The following CAMKMT variants were observed in gnomAD, a reference collection of about 807,000 sequenced individuals.
The protein encoded by CAMKMT is CaM KMT.
CAMKMT carries 53 observed loss-of-function variants against 48.0 expected under a neutral mutation model. That is an observed-to-expected ratio of 1.10 (90% CI 0.89 to 1.39). The LOEUF is 1.39. CAMKMT is among the 40% of genes most tolerant of loss of function. The pLI is 0.00. For synonymous variants in CAMKMT, 165 were observed against 152.3 expected (o/e 1.08, Z -0.61); for missense variants, 428 against 402.7 (o/e 1.06, Z -0.54).
At chr2:44,489,615 G>T (rs990921462) in intron 3 of CAMKMT, among the ~76,000 whole-genome samples, 1 of 152,094 alleles carries the variant, frequency 6.6e-6, no homozygotes, top group Non-Finnish European at 1.5e-5. Flanking sequence ...ATAGTATATT[G>T]CAATACTTGG....
In CAMKMT at chr2:44,407,115, T is replaced by C. The variant is rs909776780; in HGVS notation, c.376+16810T>C. Among the ~76,000 whole-genome samples the C allele has an allele frequency of 3.3e-5, 5 of 152,180 alleles. No homozygotes were observed. The East Asian group carries it at 9.6e-4, about 29-fold the overall frequency. ...AAGTCAATTTAGGCAGTAGTGAAAC[T>C]GAGTTTGGTTTTGTTGTTGCTGTAG... On this transcript the variant is annotated intron_variant, in intron 3 of 10. Coordinates refer to ENST00000378494, the MANE Select transcript of CAMKMT (RefSeq NM_024766.5).
At chr2:44,740,828 G>A (rs2104367594) in intron 7 of CAMKMT, among the ~76,000 whole-genome samples, 1 of 152,316 alleles carries the variant, frequency 6.6e-6, no homozygotes, top group East Asian at 1.9e-4. Flanking sequence ...AAGAAAGAAA[G>A]ATAAATATTA....
At chr2:44,433,045 A>G (rs1431037080) in intron 3 of CAMKMT, among the ~76,000 whole-genome samples, 3 of 152,074 alleles carry the variant, frequency 2.0e-5, no homozygotes, top group Non-Finnish European at 4.4e-5. Flanking sequence ...TCTCTCTCAA[A>G]TGTTGTCCTT....
intron 3 of CAMKMT, among the ~76,000 whole-genome samples, chr2:44,662,737 A>T (rs1219746033): frequency 1.3e-5 from 2 of 151,862 alleles, no homozygotes; most frequent in African/African-American, 2.4e-5. Flanking sequence ...TTAAATTTTA[A>T]TTTTTTTGTA....
At chr2:44,654,482 A>G (rs548527261) in intron 3 of CAMKMT, among the ~76,000 whole-genome samples, 2 of 152,228 alleles carry the variant, frequency 1.3e-5, no homozygotes, top group East Asian at 3.9e-4. Context: ...TTTTACACAT[A>G]TTCATGGGGT....
At chr2:44,670,749 G>A (rs1384460759) in intron 3 of CAMKMT, among the ~76,000 whole-genome samples, 1 of 152,162 alleles carries the variant, frequency 6.6e-6, no homozygotes, top group Non-Finnish European at 1.5e-5. Context: ...GGTCTGGGAT[G>A]GAGCCTTAAA....
intron 8 of CAMKMT, 148 bp from the exon 9 acceptor site, chr2:44,753,907 C>T (rs1472228920): frequency 1.6e-6 from 1 of 644,600 alleles, no homozygotes; most frequent in East Asian, 2.7e-5. Flanking sequence ...CTCCCACCCC[C>T]TCCAGTGAGA....
chr2:44,687,486 C>A (rs1369763520), intron 3 of CAMKMT, among the ~76,000 whole-genome samples: 1 of 152,146 alleles, frequency 6.6e-6, no homozygotes, highest in African/African-American at 2.4e-5. Context: ...TTGAAGGGAA[C>A]CAAATAGCTG....
At chr2:44,408,128 C>T (rs1263631208) in intron 3 of CAMKMT, among the ~76,000 whole-genome samples, 1 of 150,344 alleles carries the variant, frequency 6.7e-6, no homozygotes, top group Non-Finnish European at 1.5e-5. Flanking sequence ...CAGGTTCAAG[C>T]GATTTTCCTG....
chr2:44,617,084 C>A (rs1426935129), intron 3 of CAMKMT, among the ~76,000 whole-genome samples: 1 of 152,100 alleles, frequency 6.6e-6, no homozygotes, highest in Non-Finnish European at 1.5e-5. Context: ...TAGTGCCTTA[C>A]AAAATAAACA....
At chr2:44,574,086 C>T (rs1669072553) in intron 3 of CAMKMT, among the ~76,000 whole-genome samples, 1 of 152,092 alleles carries the variant, frequency 6.6e-6, no homozygotes, top group African/African-American at 2.4e-5. Context: ...TTACAGTTTA[C>T]CCAGGATTTG....
chr2:44,535,209 C>G (rs1289333162), intron 3 of CAMKMT, among the ~76,000 whole-genome samples: 1 of 151,978 alleles, frequency 6.6e-6, no homozygotes, highest in Admixed American at 6.6e-5. Context: ...AAATAGAAAA[C>G]CTGAATAGAC....
At chr2:44,540,994 AT>A (rs1269705700) in intron 3 of CAMKMT, among the ~76,000 whole-genome samples, 2 of 152,190 alleles carry the variant, frequency 1.3e-5, no homozygotes, top group African/African-American at 4.8e-5. Context: ...ATGATTTGAC[AT>A]GTCATTTTAT....
chr2:44,443,161 T>A (rs2104568291), intron 3 of CAMKMT, among the ~76,000 whole-genome samples: 2 of 152,310 alleles, frequency 1.3e-5, no homozygotes, highest in African/African-American at 4.8e-5. Flanking sequence ...TGAAAAAATG[T>A]TCGTATCATT....
intron 2 of CAMKMT, among the ~76,000 whole-genome samples, chr2:44,386,872 T>A (rs1342981157): frequency 6.6e-6 from 1 of 152,170 alleles, no homozygotes; most frequent in Non-Finnish European, 1.5e-5. Context: ...CACCATGGTC[T>A]GAGAGGGTGC....
At chr2:44,600,426 C>A (rs980402643) in intron 3 of CAMKMT, among the ~76,000 whole-genome samples, 1 of 151,834 alleles carries the variant, frequency 6.6e-6, no homozygotes, top group Non-Finnish European at 1.5e-5. Context: ...ACCAGCACAC[C>A]CAGCTAATTT....
At chr2:44,365,794 C>T (rs1166910937) in intron 1 of CAMKMT, among the ~76,000 whole-genome samples, 1 of 152,214 alleles carries the variant, frequency 6.6e-6, no homozygotes, top group African/African-American at 2.4e-5. Context: ...GTAGCAATGA[C>T]TGTTACACAC....
intron 3 of CAMKMT, among the ~76,000 whole-genome samples, chr2:44,576,629 T>A (rs1454035466): frequency 6.6e-6 from 1 of 152,184 alleles, no homozygotes; most frequent in Non-Finnish European, 1.5e-5. Context: ...TGACTTACAC[T>A]GATAGCATTC....
In CAMKMT at chr2:44,654,010, G is replaced by A. The variant is rs149463405; in HGVS notation, c.377-50273G>A. Among the ~76,000 whole-genome samples the A allele has an allele frequency of 6.4e-4, 97 of 152,196 alleles. 1 individual carries two copies. In the East Asian group the frequency reaches 0.017, roughly 26 times the overall value. ...TCTTAGTTTGCCGTGTATTTTAATT[G>A]ACTCTGGACAAATAATTCAGCCATG... On this transcript the variant is annotated intron_variant, in intron 3 of 10. Coordinates refer to ENST00000378494, the MANE Select transcript of CAMKMT (RefSeq NM_024766.5).
Sources: allele counts gnomAD v4.1 joint callset (sites outside exome capture counted in the v4.1 genomes callset), GRCh38; gene constraint gnomAD v4.1.1; transcripts MANE v1.5; gene names NCBI Gene and HGNC (gene_info 2026-07-23, HGNC 2026-07-21).